Variants in SND1 observed in about 807,000 individuals in gnomAD.
SND1 encodes staphylococcal nuclease domain-containing protein 1.
In SND1, 38 loss-of-function variants were observed where a neutral mutation model predicts 121.7. The ratio of observed to expected loss-of-function variants is 0.31; its 90% CI spans 0.24 to 0.41. The LOEUF (loss-of-function observed/expected upper bound fraction) is 0.41. SND1 is among the 10% of genes least tolerant of loss of function. The pLI is 1.00. For synonymous variants in SND1, 401 were observed against 447.4 expected, an observed-to-expected ratio of 0.90 and a Z score of 1.31; for missense variants, 868 against 1,184.6, an observed-to-expected ratio of 0.73 and a Z score of 3.92.
At chr7:128,028,532 A>T in intron 16 of SND1, 3 of 750,720 alleles carry the variant, frequency 4.0e-6, no homozygotes, top group Admixed American at 3.5e-5. Flanking sequence ...TTTTGTCTTT[A>T]AATTTTAATA....
chr7:127,781,286 A>G (rs1797715397), intron 10 of SND1, among the ~76,000 whole-genome samples: 1 of 152,214 alleles, frequency 6.6e-6, no homozygotes, highest in Non-Finnish European at 1.5e-5. Flanking sequence ...TAGAAGTAAT[A>G]CGTTATTATT....
chr7:127,776,994 C>A lies in SND1; in HGVS notation c.1153-30490C>A, dbSNP rs1388437453. On this transcript the variant is annotated intron_variant, in intron 10 of 23. Transcript: ENST00000354725. ...TCCTCTTCATTCCTGTGGTCACCCA[C>A]AGAATTGTGATACATTTCTCCTGTA... Among the ~76,000 whole-genome samples the A allele has an allele frequency of 2.6e-5, 4 of 152,358 alleles. No homozygotes were observed. In the East Asian group the frequency reaches 7.7e-4, roughly 29 times the overall value.
At chr7:128,018,080 C>A (rs535546162) in intron 16 of SND1, among the ~76,000 whole-genome samples, 1 of 152,374 alleles carries the variant, frequency 6.6e-6, no homozygotes, top group African/African-American at 2.4e-5. Flanking sequence ...ATGCACTCTT[C>A]TGAATCACAC....
intron 1 of SND1, among the ~76,000 whole-genome samples, chr7:127,671,790 A>G (rs1336420107): frequency 2.0e-5 from 3 of 152,238 alleles, no homozygotes; most frequent in Non-Finnish European, 4.4e-5. Flanking sequence ...TATCTGTCAC[A>G]TATCTGTTTT....
At chr7:127,702,808 T>C (rs1235690876) in intron 6 of SND1, among the ~76,000 whole-genome samples, 2 of 152,222 alleles carry the variant, frequency 1.3e-5, no homozygotes, top group East Asian at 3.8e-4. Context: ...TGAAGTTTGC[T>C]GAATATGGCT....
Position 127,828,803 on chromosome 7 carries a change from T to G in SND1, c.1243-15521T>G, listed in dbSNP as rs188384617. 9.1e-4 allele frequency among the ~76,000 whole-genome samples: 139 copies of G among 152,356 alleles called. 1 individual carries two copies. Among genetic ancestry groups the G allele is most frequent in the Middle Eastern group, 3.4e-3 (1 of 294 alleles). On this transcript the variant is annotated intron_variant, in intron 11 of 23. Transcript: ENST00000354725. ...ATTCTTGAGGTATTGACTTATCTCC[T>G]GGGCTAAAAGACCCAGAGACTTTTC...
intron 16 of SND1, among the ~76,000 whole-genome samples, chr7:128,010,223 T>C (rs1803085322): frequency 6.6e-6 from 1 of 152,198 alleles, no homozygotes; most frequent in South Asian, 2.1e-4. Context: ...AATGAATCCA[T>C]TCATTAGGAT....
Position 127,672,642 on chromosome 7 carries a change from A to C in SND1, c.79-13971A>C, listed in dbSNP as rs115728090. ...AAAAAAAAGAAAGAAAAAGAAATTA[A>C]CATGGATACAATACTGCCATCCAAC... On this transcript the variant is annotated intron_variant, in intron 1 of 23. Transcript: ENST00000354725. Among the ~76,000 whole-genome samples the C allele has an allele frequency of 5.8e-3, 889 of 152,130 alleles. 10 individuals carry two copies. Among genetic ancestry groups the C allele is most frequent in the African/African-American group, 0.02 (843 of 41,522 alleles).
intron 15 of SND1, among the ~76,000 whole-genome samples, chr7:127,953,105 AGT>A (rs1223165734): frequency 1.3e-5 from 2 of 149,938 alleles, no homozygotes; most frequent in Non-Finnish European, 3.0e-5. Flanking sequence ...TCGAGGCTAC[AGT>A]GAGCCATGGT....
chr7:127,948,264 C>T (rs997219154), intron 15 of SND1, among the ~76,000 whole-genome samples: 1 of 152,176 alleles, frequency 6.6e-6, no homozygotes, highest in Non-Finnish European at 1.5e-5. Flanking sequence ...ACCTCCCTCT[C>T]AACCCCCCAT....
intron 15 of SND1, among the ~76,000 whole-genome samples, chr7:127,957,014 A>C (rs949647044): frequency 3.3e-5 from 5 of 152,174 alleles, no homozygotes; most frequent in Admixed American, 3.3e-4. Flanking sequence ...CGTTTCCCTA[A>C]ACAGGAAAAT....
chr7:127,992,182 A>C (rs745993913), intron 16 of SND1, among the ~76,000 whole-genome samples: 5 of 152,162 alleles, frequency 3.3e-5, no homozygotes, highest in African/African-American at 4.8e-5. Context: ...GTATCATCAG[A>C]TTCACATTGC....
rs559718608 is a variant in SND1 at position 127,882,958 on chromosome 7, A to G, written c.1344-4944A>G. 3.9e-4 allele frequency among the ~76,000 whole-genome samples: 60 copies of G among 152,226 alleles called. 1 individual carries two copies. Among genetic ancestry groups the G allele is most frequent in the Non-Finnish European group, 7.4e-4 (50 of 68,000 alleles). On this transcript the variant is annotated intron_variant, in intron 12 of 23. Coordinates refer to ENST00000354725, the MANE Select transcript of SND1 (RefSeq NM_014390.4). ...CTTGGAAGTCTAACAGTAAGCCATC[A>G]CTCTCCATGTCAGCTAGAAACAAAA...
chr7:127,924,273 T>G (rs1800787200), intron 14 of SND1, among the ~76,000 whole-genome samples: 1 of 152,176 alleles, frequency 6.6e-6, no homozygotes. Flanking sequence ...TCTGCATGTA[T>G]TTGTTTGTAG....
At chr7:128,040,437 TAAAAAAAAAAAAAAAAA>T (rs67595921) in intron 16 of SND1, among the ~76,000 whole-genome samples, 8 of 32,898 alleles carry the variant, frequency 2.4e-4, no homozygotes, top group South Asian at 1.9e-3. Context: ...GTCCTATCTT[TAAAAAAAAAAAAAAAAA>T]AAAAAAAAAA....
At chr7:127,847,202 G>A (rs995502778) in intron 12 of SND1, among the ~76,000 whole-genome samples, 1 of 152,132 alleles carries the variant, frequency 6.6e-6, no homozygotes, top group South Asian at 2.1e-4. Context: ...AACCCCGGAG[G>A]CGGGAGTTGC....
At chr7:128,086,484 A>G in intron 20 of SND1, 1 of 249,690 alleles carries the variant, frequency 4.0e-6, no homozygotes, top group Non-Finnish European at 7.9e-6. Flanking sequence ...CTGCCAGACA[A>G]GGGTGAACCC....
At chr7:127,914,783 G>A (rs561054983) in intron 14 of SND1, among the ~76,000 whole-genome samples, 16 of 152,174 alleles carry the variant, frequency 1.1e-4, no homozygotes, top group Non-Finnish European at 1.8e-4. Context: ...ATGATTATTA[G>A]CACTGGCTCT....
chr7:127,789,266 T>C (rs1229780858), intron 10 of SND1, among the ~76,000 whole-genome samples: 1 of 152,240 alleles, frequency 6.6e-6, no homozygotes, highest in Non-Finnish European at 1.5e-5. Context: ...ATGGTAGATT[T>C]ATAGTTCTAT....
Sources: allele counts gnomAD v4.1 joint callset (sites outside exome capture counted in the v4.1 genomes callset), GRCh38; gene constraint gnomAD v4.1.1; transcripts MANE v1.5; gene names NCBI Gene and HGNC (gene_info 2026-07-23, HGNC 2026-07-21).